Variants in DNAH3 observed in about 807,000 individuals in gnomAD.
DNAH3 encodes the protein axonemal beta dynein heavy chain 3.
Under a neutral mutation model 432.5 loss-of-function variants are expected in DNAH3, and 332 were observed. The ratio of observed to expected loss-of-function variants is 0.77; its 90% CI spans 0.70 to 0.84. DNAH3 has a LOEUF of 0.84. Among genes scored for constraint, DNAH3 ranks in the 40% least tolerant of loss-of-function variants. The pLI is 0.00. For synonymous variants in DNAH3, 1,956 were observed against 1,900.2 expected (o/e 1.03, Z -0.76); for missense variants, 4,861 against 5,114.0 (o/e 0.95, Z 1.51).
intron 33 of DNAH3, among the ~76,000 whole-genome samples, chr16:21,038,251 A>G (rs1177744431): frequency 3.3e-5 from 5 of 152,342 alleles, no homozygotes; most frequent in Non-Finnish European, 5.9e-5. Flanking sequence ...CTGTGATCTC[A>G]GCACTTTGGG....
exon 45 of DNAH3, chr16:20,987,977 C>A (rs759814263): frequency 6.2e-7 from 1 of 1,614,194 alleles, no homozygotes; most frequent in South Asian, 1.1e-5. Context: ...TCCCGAAGTG[C>A]CAGTCAACAA....
intron 41 of DNAH3, among the ~76,000 whole-genome samples, chr16:21,004,490 C>T (rs1306978362): frequency 6.6e-6 from 1 of 152,148 alleles, no homozygotes; most frequent in Non-Finnish European, 1.5e-5. Flanking sequence ...GCCTCAACTT[C>T]CCAAGTAGCT....
chr16:20,972,739 A>ATTTTTTTTTTTTTTTTTT (rs34245316), intron 51 of DNAH3, among the ~76,000 whole-genome samples: 1 of 95,976 alleles, frequency 1.0e-5, no homozygotes, highest in Non-Finnish European at 1.9e-5. Flanking sequence ...ATGCCCCGTG[A>ATTTTTTTTTTTTTTTTTT]TTTTTTTTTT....
At chr16:21,012,472 T>C (rs1307651935) in intron 41 of DNAH3, among the ~76,000 whole-genome samples, 1 of 152,192 alleles carries the variant, frequency 6.6e-6, no homozygotes, top group African/African-American at 2.4e-5. Flanking sequence ...ACTTTTCAAA[T>C]GTAAACAGAA....
At chr16:20,936,772 C>G in exon 60 of DNAH3, 1 of 1,613,576 alleles carries the variant, frequency 6.2e-7, no homozygotes, top group Non-Finnish European at 8.5e-7. Context: ...TAAAGACTTC[C>G]TCTAGCTCCG....
intron 1 of DNAH3, among the ~76,000 whole-genome samples, chr16:21,153,537 G>A (rs906742923): frequency 1.2e-4 from 18 of 152,160 alleles, no homozygotes; most frequent in East Asian, 1.9e-4. Context: ...CAGGCTGCCC[G>A]GGCCAGCAGT....
At chr16:21,022,126 T>A in intron 39 of DNAH3, 26 bp from the exon 40 acceptor site, 6 of 1,612,846 alleles carry the variant, frequency 3.7e-6, no homozygotes, top group Non-Finnish European at 5.1e-6. Context: ...TCCATGAGAC[T>A]TGGAGACATG....
chr16:21,133,357 G>A (rs1303130523), intron 7 of DNAH3, among the ~76,000 whole-genome samples: 2 of 95,574 alleles, frequency 2.1e-5, no homozygotes, highest in African/African-American at 8.9e-5. Flanking sequence ...GGTGAGATTC[G>A]TCTCAAAAAA....
chr16:21,143,567 A>C (rs192877833), intron 3 of DNAH3, among the ~76,000 whole-genome samples: 1 of 152,298 alleles, frequency 6.6e-6, no homozygotes, highest in East Asian at 1.9e-4. Context: ...AGCAGCCCAA[A>C]AGGAACTAAG....
At chr16:21,060,222 G>A (rs374818382) in intron 26 of DNAH3, 42 bp downstream of exon 26, 2 of 1,486,254 alleles carry the variant, frequency 1.3e-6, no homozygotes, top group Admixed American at 1.7e-5. Context: ...GTTCTCTTTA[G>A]TGCACTAGTG....
chr16:20,985,749 G>C, intron 47 of DNAH3, 34 bp from the exon 48 acceptor site: 1 of 1,593,796 alleles, frequency 6.3e-7, no homozygotes. Flanking sequence ...GGGGCATTCA[G>C]TGAATGGCCC....
intron 1 of DNAH3, among the ~76,000 whole-genome samples, chr16:21,149,402 T>A (rs2092825793): frequency 6.6e-6 from 1 of 152,210 alleles, no homozygotes; most frequent in Non-Finnish European, 1.5e-5. Flanking sequence ...CTTCGCTGTA[T>A]GGCAACCTGG....
chr16:21,014,303 T>C (rs1400950758), intron 41 of DNAH3, among the ~76,000 whole-genome samples: 6 of 152,178 alleles, frequency 3.9e-5, no homozygotes, highest in South Asian at 2.1e-4. Flanking sequence ...GGCTCAACAT[T>C]TGAAAATCAA....
Position 21,157,917 on chromosome 16 carries a change from G to GC in DNAH3, c.117+1407_117+1408insG, listed in dbSNP as rs1158785209. The stretch of plus-strand genomic sequence containing the variant: ...ATATTTTGAGACACAACTGGAGGTG[G>GC]GGGGGGGCGGTTCTTGTAACTGGCA... On this transcript the variant is annotated intron_variant, in intron 1 of 61. Transcript: ENST00000261383. Among the ~76,000 whole-genome samples the GC allele has an allele frequency of 2.0e-5, 3 of 151,530 alleles. No homozygotes were observed. In the East Asian group the frequency reaches 5.8e-4, roughly 29 times the overall value.
At position 21,127,728 on chromosome 16, in the gene DNAH3, G is replaced by A. The variant is rs755466486; in HGVS notation, c.1167C>T (p.Ile389=). The change falls in exon 8 of 62, where the codon ATC becomes ATT. Residue 389 remains isoleucine, a synonymous_variant. Transcript: ENST00000261383. ...GGTGTGCCTCCAGGCAGTGTTTCTG[G>A]ATCACATCCCAAAATTCCTGAGGCT... The A allele has an allele frequency of 1.9e-6, 3 of 1,614,010 alleles. No individual in the cohort carries two copies. In the African/African-American group the frequency reaches 4.0e-5, roughly 22 times the overall value.
chr16:21,115,161 A>G (rs544050369), intron 12 of DNAH3, among the ~76,000 whole-genome samples: 1 of 152,030 alleles, frequency 6.6e-6, no homozygotes, highest in Non-Finnish European at 1.5e-5. Context: ...TGAACACCAC[A>G]TGTTCTCACT....
At chr16:20,959,508 A>T in intron 53 of DNAH3, 104 bp from the exon 54 acceptor site, 1 of 1,184,970 alleles carries the variant, frequency 8.4e-7, no homozygotes, top group Middle Eastern at 2.0e-4. Context: ...GGTGGCTCAC[A>T]CCTGTAATCC....
In DNAH3 at chr16:21,107,950, C is replaced by T. The variant is rs904276963; in HGVS notation, c.2100-1276G>A. Among the ~76,000 whole-genome samples the T allele has an allele frequency of 4.6e-5, 7 of 152,096 alleles. No individual in the cohort carries two copies. The East Asian group carries it at 9.7e-4, about 21-fold the overall frequency. ...TGATCTCAGCTTACGGCAACCTCCG[C>T]CTCCTCCCAGGTTCAAGCAATTCTC... On this transcript the variant is annotated intron_variant, in intron 14 of 61. Coordinates refer to ENST00000261383, the Ensembl canonical transcript of DNAH3.
At chr16:21,056,126 C>CG (rs150795294) in intron 27 of DNAH3, among the ~76,000 whole-genome samples, 4,284 of 152,156 alleles carry the variant, frequency 0.028, 215 homozygotes, top group African/African-American at 0.097. Flanking sequence ...CTCCCCACAT[C>CG]TCTCCTACCC....
Sources: allele counts gnomAD v4.1 joint callset (sites outside exome capture counted in the v4.1 genomes callset), GRCh38; gene constraint gnomAD v4.1.1; transcripts MANE v1.5; gene names NCBI Gene and HGNC (gene_info 2026-07-23, HGNC 2026-07-21).